Variants in SRR observed in about 807,000 individuals in gnomAD.
SRR encodes the protein D-serine ammonia-lyase.
A neutral mutation model predicts 32.7 loss-of-function variants in SRR; 19 were observed. That is an observed-to-expected ratio of 0.58 (90% confidence interval 0.40 to 0.85). The LOEUF (loss-of-function observed/expected upper bound fraction) is 0.85. Ranked by LOEUF, SRR falls within the 40% of genes least tolerant of loss-of-function variation. The pLI is 0.00. For missense variants in SRR, 373 were observed against 404.7 expected (o/e 0.92, Z 0.67); for synonymous variants, 142 against 140.9 (o/e 1.01, Z -0.06).
chr17:2,323,673 T>C lies in SRR; in HGVS notation c.823T>C (p.Trp275Arg), dbSNP rs1161848665. The change falls in exon 8 of 8, where the codon TGG becomes CGG. Residue 275 changes from tryptophan to arginine, a missense_variant. Trp to Arg is a moderately radical substitution (Grantham distance 101). Transcript: ENST00000344595. ...DEIKCATQLV[W>R]ERMKLLIEPT... ...TCAACAGTGTGCAACCCAGCTGGTG[T>C]GGGAGAGGATGAAACTACTCATTGA... is the stretch of plus-strand genomic sequence containing the variant. 1 of 1,614,098 alleles carries C rather than the reference T, an allele frequency of 6.2e-7. No homozygotes were observed. Among genetic ancestry groups the C allele is most frequent in the Admixed American group, 1.7e-5 (1 of 60,024 alleles).
intron 4 of SRR, 94 bp from the exon 5 acceptor site, chr17:2,321,212 A>G (rs1201585819): frequency 6.8e-7 from 1 of 1,467,996 alleles, no homozygotes; most frequent in Non-Finnish European, 9.3e-7. Flanking sequence ...GTGTGAAAAA[A>G]GTAGATGGTC....
chr17:2,308,867 C>T (rs1300010420), intron 1 of SRR, among the ~76,000 whole-genome samples: 2 of 151,722 alleles, frequency 1.3e-5, no homozygotes, highest in Non-Finnish European at 2.9e-5. Context: ...ACCTGTAATC[C>T]CAGCACTTTG....
upstream of SRR, chr17:2,303,484 C>A (rs1391027769): frequency 7.5e-7 from 1 of 1,329,174 alleles, no homozygotes; most frequent in Non-Finnish European, 9.6e-7. Context: ...AGAGGTAGGG[C>A]AGCGAGGGTC....
At position 2,324,783 on chromosome 17, in the gene SRR, T is replaced by C; in HGVS notation, c.*910T>C. ...CAACTCTCTTGATGACCATTCTGTC[T>C]GGATCTACTGACATAAGATGGCCTG... On this transcript the variant is annotated 3_prime_UTR_variant, in exon 8 of 8. Transcript: ENST00000344595. 6.2e-7 allele frequency: 1 copy of C among 1,614,182 alleles called. No homozygotes were observed. Among genetic ancestry groups the C allele is most frequent in the Non-Finnish European group, 8.5e-7 (1 of 1,180,016 alleles).
chr17:2,306,656 G>T lies in SRR; in HGVS notation c.-5+2639G>T, dbSNP rs533326960. The T allele has an allele frequency of 3.6e-5, 14 of 388,430 alleles. No homozygotes were observed. In the South Asian group the frequency reaches 3.6e-4, roughly 10 times the overall value. The allele number at this position is 388,430 out of a possible 1,614,324, so 24.1% of individuals were successfully genotyped here. ...CACTTGAACCAAGGAGGTAGAGGCT[G>T]CAGTGAGCCGAGATCACGCCACTGC... is the stretch of plus-strand genomic sequence containing the variant. On this transcript the variant is annotated intron_variant, in intron 1 of 7. Coordinates refer to ENST00000344595, the MANE Select transcript of SRR (RefSeq NM_021947.3).
At chr17:2,303,738 C>T, upstream of SRR, 1 of 1,488,500 alleles carries the variant, frequency 6.7e-7, no homozygotes, top group Non-Finnish European at 8.9e-7. Context: ...GCTGCTGCTA[C>T]AGCCGTAGCG....
At position 2,325,096 on chromosome 17, in the gene SRR, T is replaced by C; in HGVS notation, c.*1223T>C. On this transcript the variant is annotated 3_prime_UTR_variant, in exon 8 of 8. Transcript: ENST00000344595. ...GGAAAGGATGTTGAACAAAAGGCAG[T>C]TATTTGAGGACTGGCTATACACTGT... 1 of 591,942 alleles carries C rather than the reference T, an allele frequency of 1.7e-6. No individual in the cohort carries two copies. Among genetic ancestry groups the C allele is most frequent in the Non-Finnish European group, 2.9e-6 (1 of 345,914 alleles). 36.7% of individuals were successfully genotyped at this position (591,942 alleles called of 1,614,324 possible). A position where few individuals can be genotyped will look rare whatever the true frequency, so the allele number is the denominator to read the frequency against.
In SRR at chr17:2,313,574, A is replaced by G. The variant is rs568074749; in HGVS notation, c.-4-1983A>G. On this transcript the variant is annotated intron_variant, in intron 1 of 7. Transcript: ENST00000344595. ...AACATGGTGAAACCCCGCCTCTACG[A>G]AAAATATAAAAATTAGCTGGGTGTG... 4.1e-4 allele frequency among the ~76,000 whole-genome samples: 63 copies of G among 152,042 alleles called. 1 individual carries two copies. The East Asian group carries it at 5.8e-3, about 14-fold the overall frequency.
At chr17:2,303,882 C>A, upstream of SRR, 1 of 533,750 alleles carries the variant, frequency 1.9e-6, no homozygotes, top group Non-Finnish European at 3.2e-6. Flanking sequence ...GGAGGAAAAG[C>A]GCCCGCCGCC....
intron 4 of SRR, 93 bp downstream of exon 4, chr17:2,319,022 G>A: frequency 1.2e-6 from 1 of 833,800 alleles, no homozygotes; most frequent in Admixed American, 2.1e-5. Flanking sequence ...AGCCTCCTTT[G>A]TGGTTTCCCC....
chr17:2,317,407 G>C (rs1045579596), intron 2 of SRR, among the ~76,000 whole-genome samples: 6 of 151,884 alleles, frequency 4.0e-5, no homozygotes, highest in Non-Finnish European at 5.9e-5. Context: ...GGCTACTCGA[G>C]AAGCTGAGGC....
chr17:2,303,650 G>A, upstream of SRR: 2 of 1,487,706 alleles, frequency 1.3e-6, no homozygotes, highest in Non-Finnish European at 1.8e-6. Flanking sequence ...CCCGGCCTGC[G>A]GGGCCAGAGT....
At chr17:2,304,499 T>A (rs572632226) in intron 1 of SRR, among the ~76,000 whole-genome samples, 3 of 151,090 alleles carry the variant, frequency 2.0e-5, no homozygotes, top group Admixed American at 1.3e-4. Flanking sequence ...CGCGTCGGCC[T>A]CCCAAAGTGC....
chr17:2,324,205 G>T lies in SRR; in HGVS notation c.*332G>T. 1 of 1,520,636 alleles carries T rather than the reference G, an allele frequency of 6.6e-7. No homozygotes were observed. Among genetic ancestry groups the T allele is most frequent in the South Asian group, 1.4e-5 (1 of 73,232 alleles). The allele number at this position is 1,520,636 out of a possible 1,614,324, so 94.2% of individuals were successfully genotyped here. On this transcript the variant is annotated 3_prime_UTR_variant, in exon 8 of 8. Transcript: ENST00000344595. ...AATCTCTTTGAATCCATTACTCCAT[G>T]CCCCCTTGAGGCACTGTTGAAGAAA...
chr17:2,318,688 T>G, intron 3 of SRR, 138 bp from the exon 4 acceptor site: 1 of 499,424 alleles, frequency 2.0e-6, no homozygotes, highest in South Asian at 2.2e-5. Context: ...GCCAGGATGG[T>G]CTCAATTTCC....
In SRR at chr17:2,325,117, A is replaced by G. The variant is rs957861719; in HGVS notation, c.*1244A>G. 3.3e-6 allele frequency: 2 copies of G among 603,252 alleles called. No individual in the cohort carries two copies. Among genetic ancestry groups the G allele is most frequent in the South Asian group, 2.3e-5 (1 of 43,820 alleles). 37.4% of individuals were successfully genotyped at this position (603,252 alleles called of 1,614,324 possible). On this transcript the variant is annotated 3_prime_UTR_variant, in exon 8 of 8. Coordinates refer to ENST00000344595, the MANE Select transcript of SRR (RefSeq NM_021947.3). ...GCAGTTATTTGAGGACTGGCTATAC[A>G]CTGTTTCACGTAAAAGTTGGAGTTT...
intron 4 of SRR, among the ~76,000 whole-genome samples, chr17:2,320,677 T>A (rs2075520578): frequency 6.6e-6 from 1 of 152,110 alleles, no homozygotes; most frequent in South Asian, 2.1e-4. Flanking sequence ...TTCTCATGCC[T>A]CAGCCACCAG....
At chr17:2,321,486 A>G (rs2075527947) in intron 5 of SRR, 56 bp from the exon 6 acceptor site, 1 of 1,612,544 alleles carries the variant, frequency 6.2e-7, no homozygotes, top group Non-Finnish European at 8.5e-7. Context: ...ATATTCAATT[A>G]TTTTATATGT....
chr17:2,310,043 T>TAG (rs2151429803), intron 1 of SRR: 1 of 152,320 alleles, frequency 6.6e-6, no homozygotes, highest in South Asian at 2.1e-4. Flanking sequence ...CAGTAGTTCC[T>TAG]GAAGCTCCAT....
Sources: allele counts gnomAD v4.1 joint callset (sites outside exome capture counted in the v4.1 genomes callset), GRCh38; gene constraint gnomAD v4.1.1; transcripts MANE v1.5; gene names NCBI Gene and HGNC (gene_info 2026-07-23, HGNC 2026-07-21).